Variants in RAPGEF2 observed in about 807,000 individuals in gnomAD.
The protein encoded by RAPGEF2 is PDZ domain containing guanine nucleotide exchange factor (GEF) 1.
Under a neutral mutation model 186.7 loss-of-function variants are expected in RAPGEF2, and 54 were observed. The ratio of observed to expected loss-of-function variants is 0.29; its 90% CI spans 0.23 to 0.36. The LOEUF is 0.36. Ranked by LOEUF, RAPGEF2 falls within the 10% of genes least tolerant of loss-of-function variation. The pLI is 1.00. For synonymous variants in RAPGEF2, 712 were observed against 705.9 expected (o/e 1.01, Z -0.14); for missense variants, 1,532 against 2,045.0 (o/e 0.75, Z 4.84).
chr4:159,226,996 A>C (rs1752108424), intron 4 of RAPGEF2, among the ~76,000 whole-genome samples: 1 of 152,198 alleles, frequency 6.6e-6, no homozygotes, highest in South Asian at 2.1e-4. Flanking sequence ...TTAACTTCTA[A>C]GAATTATGAA....
chr4:159,120,328 ACTT>A (rs10611378), intron 1 of RAPGEF2, among the ~76,000 whole-genome samples: 59,458 of 151,906 alleles, frequency 0.39, 11,856 homozygotes, highest in African/African-American at 0.47. Flanking sequence ...CCAAATCATC[ACTT>A]CTTATAAGTA....
chr4:159,208,917 C>T (rs1750228574), intron 3 of RAPGEF2, among the ~76,000 whole-genome samples: 1 of 151,304 alleles, frequency 6.6e-6, no homozygotes, highest in Non-Finnish European at 1.5e-5. Flanking sequence ...GAGACAGAGT[C>T]TCTCGCCATG....
intron 11 of RAPGEF2, chr4:159,328,707 T>C (rs1766267438): frequency 6.6e-6 from 1 of 152,204 alleles, no homozygotes; most frequent in Non-Finnish European, 1.5e-5. Context: ...GGCCAGCATG[T>C]AGTTATGAGA....
chr4:159,194,468 TG>T (rs1358619588), intron 3 of RAPGEF2, among the ~76,000 whole-genome samples: 1 of 152,202 alleles, frequency 6.6e-6, no homozygotes, highest in Non-Finnish European at 1.5e-5. Context: ...TTGTCCAACA[TG>T]GCAAACCCAT....
At chr4:159,330,825 T>C (rs1252007027) in intron 13 of RAPGEF2, among the ~76,000 whole-genome samples, 1 of 152,198 alleles carries the variant, frequency 6.6e-6, no homozygotes, top group South Asian at 2.1e-4. Context: ...CTACATTTTC[T>C]AGTTTGGTAG....
At chr4:159,208,088 T>G (rs1750154491) in intron 3 of RAPGEF2, among the ~76,000 whole-genome samples, 1 of 152,230 alleles carries the variant, frequency 6.6e-6, no homozygotes. Context: ...TATGTTTTCT[T>G]GAGGCATTGC....
At chr4:159,319,028 G>A (rs1289893136) in intron 9 of RAPGEF2, among the ~76,000 whole-genome samples, 1 of 152,078 alleles carries the variant, frequency 6.6e-6, no homozygotes, top group Admixed American at 6.5e-5. Flanking sequence ...TCTCCCATCC[G>A]TGGCTTCTTT....
chr4:159,268,390 T>C (rs1399659849), intron 7 of RAPGEF2, among the ~76,000 whole-genome samples: 1 of 152,160 alleles, frequency 6.6e-6, no homozygotes, highest in African/African-American at 2.4e-5. Context: ...ATGTTGTAAT[T>C]TTTAAAAATT....
chr4:159,105,906 A>AG (rs1198768422), intron 1 of RAPGEF2, among the ~76,000 whole-genome samples: 1 of 152,232 alleles, frequency 6.6e-6, no homozygotes, highest in Non-Finnish European at 1.5e-5. Context: ...AAATTAGAGA[A>AG]GGGGGAAGTG....
At chr4:159,198,732 C>T (rs1010004776) in intron 3 of RAPGEF2, among the ~76,000 whole-genome samples, 6 of 152,044 alleles carry the variant, frequency 3.9e-5, no homozygotes, top group Non-Finnish European at 8.8e-5. Flanking sequence ...AGGCGTGAGC[C>T]ACTGCGCCTG....
chr4:159,187,128 T>G (rs67063606), intron 2 of RAPGEF2, among the ~76,000 whole-genome samples: 47,308 of 152,074 alleles, frequency 0.31, 7,763 homozygotes, highest in Non-Finnish European at 0.37. Context: ...TTCATCTAGG[T>G]CCTATACTAA....
At chr4:159,256,625 T>C (rs563128469) in intron 7 of RAPGEF2, among the ~76,000 whole-genome samples, 5 of 152,334 alleles carry the variant, frequency 3.3e-5, no homozygotes, top group African/African-American at 4.8e-5. Flanking sequence ...ATCGCCACAC[T>C]GTCTTCCACA....
In RAPGEF2 at chr4:159,129,531, C is replaced by CTTAT. The variant is rs372862358; in HGVS notation, c.69+25301_69+25304dup. Among the ~76,000 whole-genome samples, 369 of 152,256 alleles carry CTTAT rather than the reference C, an allele frequency of 2.4e-3. 1 individual carries two copies. Among genetic ancestry groups the CTTAT allele is most frequent in the African/African-American group, 8.4e-3 (348 of 41,550 alleles). On this transcript the variant is annotated intron_variant, in intron 1 of 29. Coordinates refer to ENST00000691494, the MANE Select transcript of RAPGEF2 (RefSeq NM_001394067.2). ...TGGTTTATTCAGTTCTAACATCAAC[C>CTTAT]TTATAAAGCATGAGGTACTATTATC...
chr4:159,116,048 C>T (rs757865991), intron 1 of RAPGEF2, among the ~76,000 whole-genome samples: 1 of 152,028 alleles, frequency 6.6e-6, no homozygotes, highest in Non-Finnish European at 1.5e-5. Flanking sequence ...ATGATGAAAA[C>T]GTCAAAAGCA....
chr4:159,319,899 C>T (rs1765037654), intron 9 of RAPGEF2, among the ~76,000 whole-genome samples: 1 of 152,072 alleles, frequency 6.6e-6, no homozygotes, highest in Non-Finnish European at 1.5e-5. Context: ...ACAACAAATA[C>T]TTGTGAAGGT....
chr4:159,168,006 A>T (rs750411435), intron 1 of RAPGEF2, among the ~76,000 whole-genome samples: 19 of 152,364 alleles, frequency 1.2e-4, no homozygotes, highest in Non-Finnish European at 2.4e-4. Context: ...GGTGAGGCTC[A>T]TATGTGTAAA....
chr4:159,281,819 G>C (rs1197668579), intron 7 of RAPGEF2, among the ~76,000 whole-genome samples: 1 of 152,052 alleles, frequency 6.6e-6, no homozygotes, highest in Non-Finnish European at 1.5e-5. Context: ...ATGGGGTTCT[G>C]CTCCTCATTC....
intron 1 of RAPGEF2, among the ~76,000 whole-genome samples, chr4:159,118,587 A>G: frequency 6.8e-6 from 1 of 147,812 alleles, no homozygotes; most frequent in East Asian, 2.1e-4. Context: ...TTAAAGTATT[A>G]TTATTATTTT....
intron 3 of RAPGEF2, among the ~76,000 whole-genome samples, chr4:159,198,318 CTTTCTTTCTTTCTTTCT>C (rs1561075200): frequency 0.057 from 2,880 of 50,526 alleles, 225 homozygotes; most frequent in African/African-American, 0.2. Context: ...TTCTTTCTTT[CTTTCTTTCTTTCTTTCT>C]TTTTCTTTCT....
Sources: allele counts gnomAD v4.1 joint callset (sites outside exome capture counted in the v4.1 genomes callset), GRCh38; gene constraint gnomAD v4.1.1; transcripts MANE v1.5; gene names NCBI Gene and HGNC (gene_info 2026-07-23, HGNC 2026-07-21).